Variants in AUTS2 observed in about 807,000 individuals in gnomAD.
The protein encoded by AUTS2 is activator of transcription and developmental regulator AUTS2, also known as autism susceptibility gene 2 protein.
In AUTS2, 17 loss-of-function variants were observed where a neutral mutation model predicts 112.4. The ratio of observed to expected loss-of-function variants is 0.15; its 90% CI spans 0.10 to 0.23. The LOEUF (loss-of-function observed/expected upper bound fraction) is 0.23. Among genes scored for constraint, AUTS2 ranks in the 10% least tolerant of loss-of-function variants. The pLI, the probability that AUTS2 is intolerant of heterozygous loss-of-function variation, is 1.00. For missense variants in AUTS2, 1,510 were observed against 1,701.6 expected (o/e 0.89, Z 1.98); for synonymous variants, 751 against 702.7 (o/e 1.07, Z -1.09).
chr7:70,112,020 T>G (rs2129571528), intron 2 of AUTS2, among the ~76,000 whole-genome samples: 1 of 152,134 alleles, frequency 6.6e-6, no homozygotes, highest in African/African-American at 2.4e-5. Flanking sequence ...TTACCTATAC[T>G]TGCCTTTTTG....
intron 4 of AUTS2, among the ~76,000 whole-genome samples, chr7:70,350,665 G>A (rs527473004): frequency 6.6e-6 from 1 of 152,172 alleles, no homozygotes; most frequent in East Asian, 1.9e-4. Flanking sequence ...TTTGGGTGGG[G>A]ACACAGCCAA....
chr7:69,936,005 G>A lies in AUTS2; in HGVS notation c.522+36507G>A, dbSNP rs147902649. On this transcript the variant is annotated intron_variant, in intron 2 of 18. Transcript: ENST00000342771. Reference sequence around the variant, plus strand: ...ACCAAGAGCATATCTGAATTTGTGCGGCAGGGAATAATATAACAATGAGTT... The same window carrying A: ...ACCAAGAGCATATCTGAATTTGTGCAGCAGGGAATAATATAACAATGAGTT... 8.5e-5 allele frequency among the ~76,000 whole-genome samples: 13 copies of A among 152,236 alleles called. 1 individual carries two copies. The highest frequency in any genetic ancestry group is 2.1e-4 in the South Asian group (1 of 4,824).
intron 4 of AUTS2, among the ~76,000 whole-genome samples, chr7:70,299,318 T>C (rs1266807082): frequency 6.6e-6 from 1 of 152,212 alleles, no homozygotes; most frequent in African/African-American, 2.4e-5. Context: ...TGTTATTTAC[T>C]CTCACACATG....
chr7:69,669,727 A>G lies in AUTS2; in HGVS notation c.309+69765A>G, dbSNP rs532915277. Among the ~76,000 whole-genome samples the G allele has an allele frequency of 4.0e-5, 6 of 149,564 alleles. No individual in the cohort carries two copies. The South Asian group carries it at 8.5e-4, about 21-fold the overall frequency. On this transcript the variant is annotated intron_variant, in intron 1 of 18. Transcript: ENST00000342771. The stretch of plus-strand genomic sequence containing the variant: ...TTCCCCTCAAAGAAAATTGAAAACA[A>G]TTTCACTTTTTTTTTCCTTTTATGA...
intron 6 of AUTS2, among the ~76,000 whole-genome samples, chr7:70,747,152 T>G (rs1788503514): frequency 6.6e-6 from 1 of 152,176 alleles, no homozygotes; most frequent in Non-Finnish European, 1.5e-5. Context: ...TGTAGCTGCT[T>G]CTTGAAGAAG....
chr7:69,998,840 G>A (rs1799063198), intron 2 of AUTS2, among the ~76,000 whole-genome samples: 1 of 152,128 alleles, frequency 6.6e-6, no homozygotes, highest in Admixed American at 6.6e-5. Flanking sequence ...TTTTTAATAA[G>A]GTGGTTAGGG....
intron 1 of AUTS2, among the ~76,000 whole-genome samples, chr7:69,700,433 G>C (rs1797757393): frequency 6.6e-6 from 1 of 151,304 alleles, no homozygotes; most frequent in South Asian, 2.1e-4. Flanking sequence ...TCATTAGCTC[G>C]TTAATTGGGT....
chr7:70,623,500 C>A (rs1373791848), intron 5 of AUTS2, among the ~76,000 whole-genome samples: 4 of 152,196 alleles, frequency 2.6e-5, no homozygotes, highest in Non-Finnish European at 4.4e-5. Context: ...ATTTAAACAT[C>A]AGTTCCTCAG....
chr7:70,102,554 C>T (rs547989130), intron 2 of AUTS2, among the ~76,000 whole-genome samples: 1 of 151,932 alleles, frequency 6.6e-6, no homozygotes, highest in African/African-American at 2.4e-5. Context: ...CACACACGTA[C>T]GTATATGTAT....
chr7:69,790,722 T>C (rs1307488514), intron 1 of AUTS2, among the ~76,000 whole-genome samples: 1 of 152,256 alleles, frequency 6.6e-6, no homozygotes, highest in Non-Finnish European at 1.5e-5. Context: ...AGTCTCAACT[T>C]GTCCCATTAA....
intron 1 of AUTS2, among the ~76,000 whole-genome samples, chr7:69,746,037 G>T (rs750921014): frequency 7.2e-4 from 110 of 151,738 alleles, no homozygotes; most frequent in Admixed American, 2.7e-3. Flanking sequence ...CTAATTAAAA[G>T]AATTTTTTTT....
intron 1 of AUTS2, among the ~76,000 whole-genome samples, chr7:69,639,033 A>G (rs912374739): frequency 6.6e-6 from 1 of 152,228 alleles, no homozygotes; most frequent in Non-Finnish European, 1.5e-5. Flanking sequence ...AGAAGTTTTA[A>G]CATTTCTATT....
At chr7:69,887,228 A>T (rs1400903260) in intron 1 of AUTS2, among the ~76,000 whole-genome samples, 1 of 152,024 alleles carries the variant, frequency 6.6e-6, no homozygotes, top group Non-Finnish European at 1.5e-5. Flanking sequence ...AGCCTGGCCA[A>T]CATGGTGAAA....
chr7:69,826,687 T>C (rs926378353), intron 1 of AUTS2, among the ~76,000 whole-genome samples: 1 of 152,250 alleles, frequency 6.6e-6, no homozygotes, highest in African/African-American at 2.4e-5. Flanking sequence ...ATGCCTACTT[T>C]CACTTTTAGT....
chr7:70,779,503 G>T (rs140640264), intron 14 of AUTS2, among the ~76,000 whole-genome samples: 126 of 152,296 alleles, frequency 8.3e-4, no homozygotes, highest in Admixed American at 2.0e-3. Context: ...GGAGGTGCAC[G>T]GGTAGCTTTT....
intron 5 of AUTS2, among the ~76,000 whole-genome samples, chr7:70,506,864 G>T (rs1489576591): frequency 1.3e-5 from 2 of 152,198 alleles, no homozygotes; most frequent in African/African-American, 4.8e-5. Context: ...AACCTACTCT[G>T]GGCCATGTGG....
intron 1 of AUTS2, among the ~76,000 whole-genome samples, chr7:69,812,757 TGTCA>T (rs1449056509): frequency 6.6e-6 from 1 of 152,138 alleles, no homozygotes; most frequent in Admixed American, 6.5e-5. Flanking sequence ...TGCCTACTTT[TGTCA>T]GTATTAGTTA....
At chr7:70,459,247 A>T (rs1166061377) in intron 5 of AUTS2, among the ~76,000 whole-genome samples, 1 of 152,138 alleles carries the variant, frequency 6.6e-6, no homozygotes, top group African/African-American at 2.4e-5. Flanking sequence ...TTCTTTCTGC[A>T]TAGCATTTAG....
intron 1 of AUTS2, among the ~76,000 whole-genome samples, chr7:69,841,375 T>TTA (rs1355374907): frequency 6.6e-6 from 1 of 151,984 alleles, no homozygotes; most frequent in Non-Finnish European, 1.5e-5. Flanking sequence ...CCACATACTT[T>TTA]TAAATGACCA....
Sources: allele counts gnomAD v4.1 joint callset (sites outside exome capture counted in the v4.1 genomes callset), GRCh38; gene constraint gnomAD v4.1.1; transcripts MANE v1.5; gene names NCBI Gene and HGNC (gene_info 2026-07-23, HGNC 2026-07-21).